CNTNAP2: variants seen among roughly 807,000 people sequenced by gnomAD.
The protein encoded by CNTNAP2 is contactin associated protein 2.
CNTNAP2 carries 98 observed loss-of-function variants against 155.2 expected under a neutral mutation model. The observed-to-expected ratio is 0.63, with a 90% CI of 0.54 to 0.75. The LOEUF (loss-of-function observed/expected upper bound fraction) is 0.75. Ranked by LOEUF, CNTNAP2 falls within the 30% of genes least tolerant of loss-of-function variation. The pLI is 0.00. For synonymous variants in CNTNAP2, 651 were observed against 631.2 expected (o/e 1.03, Z -0.47); for missense variants, 1,727 against 1,688.1 (o/e 1.02, Z -0.40).
Position 146,367,845 on chromosome 7 carries a change from T to C in CNTNAP2, c.97+250872T>C, listed in dbSNP as rs6464756. On this transcript the variant is annotated intron_variant, in intron 1 of 23. Transcript: ENST00000361727. ...AATATCAATATATGAGGAGATAAAA[T>C]GAATTTTCCACAAACTATGATTCTG... Among the ~76,000 whole-genome samples, 528 of 152,202 alleles carry C rather than the reference T, an allele frequency of 3.5e-3. 3 individuals carry two copies. The highest frequency in any genetic ancestry group is 0.011 in the African/African-American group (459 of 41,560).
At chr7:146,126,801 A>G (rs1483435781) in intron 1 of CNTNAP2, among the ~76,000 whole-genome samples, 1 of 152,168 alleles carries the variant, frequency 6.6e-6, no homozygotes, top group Non-Finnish European at 1.5e-5. Flanking sequence ...GGCAGTGGGA[A>G]AATATTTGTC....
intron 13 of CNTNAP2, among the ~76,000 whole-genome samples, chr7:147,677,837 A>G (rs1795892321): frequency 6.6e-6 from 1 of 151,456 alleles, no homozygotes; most frequent in Non-Finnish European, 1.5e-5. Context: ...AAGTGCATAA[A>G]TTTATTTCTG....
At chr7:147,915,642 A>C (rs530982627) in intron 14 of CNTNAP2, among the ~76,000 whole-genome samples, 2 of 151,202 alleles carry the variant, frequency 1.3e-5, no homozygotes, top group East Asian at 3.9e-4. Flanking sequence ...TGCCCTCCTG[A>C]TCTCATGAAG....
chr7:148,049,335 T>G (rs1032057648), intron 15 of CNTNAP2, among the ~76,000 whole-genome samples: 6 of 152,228 alleles, frequency 3.9e-5, no homozygotes, highest in African/African-American at 9.6e-5. Context: ...AAGGGAACAG[T>G]TATTATAAAC....
chr7:146,391,753 G>T (rs547120221), intron 1 of CNTNAP2, among the ~76,000 whole-genome samples: 2 of 105,254 alleles, frequency 1.9e-5, no homozygotes, highest in Non-Finnish European at 3.9e-5. Context: ...CACGGTTTTT[G>T]TTGTTGTTGT....
chr7:147,657,591 T>C lies in CNTNAP2; in HGVS notation c.2098+18285T>C, dbSNP rs1322635230. ...TAGAAACAAAGCAATTCCAGTAAGA[T>C]ATATAAAATATGTGCAGGCATGATT... On this transcript the variant is annotated intron_variant, in intron 13 of 23. Coordinates refer to ENST00000361727, the MANE Select transcript of CNTNAP2 (RefSeq NM_014141.6). Among the ~76,000 whole-genome samples, 8 of 152,216 alleles carry C rather than the reference T, an allele frequency of 5.3e-5. No individual in the cohort carries two copies. In the East Asian group the frequency reaches 1.5e-3, roughly 29 times the overall value.
chr7:147,251,940 T>C (rs544152028), intron 8 of CNTNAP2, among the ~76,000 whole-genome samples: 1 of 152,164 alleles, frequency 6.6e-6, no homozygotes, highest in East Asian at 1.9e-4. Context: ...TTTAATTCAA[T>C]GGATATATGA....
chr7:146,429,239 TA>T (rs1563080567), intron 1 of CNTNAP2, among the ~76,000 whole-genome samples: 3 of 147,624 alleles, frequency 2.0e-5, no homozygotes, highest in East Asian at 1.9e-4. Context: ...ATATGAATTT[TA>T]AAATATTTTT....
At chr7:147,347,655 C>T (rs1297226085) in intron 9 of CNTNAP2, among the ~76,000 whole-genome samples, 1 of 151,686 alleles carries the variant, frequency 6.6e-6, no homozygotes, top group East Asian at 1.9e-4. Flanking sequence ...ATAGGAATTA[C>T]ATTCTTCACA....
chr7:147,690,420 TCAGCATTACATCAATACATCATTAC>T (rs1284893600), intron 13 of CNTNAP2, among the ~76,000 whole-genome samples: 2 of 152,130 alleles, frequency 1.3e-5, no homozygotes, highest in Non-Finnish European at 2.9e-5. Context: ...GGCTCTTCAC[TCAGCATTACATCAATACATCATTAC>T]CGACCAATGA....
chr7:147,853,106 C>G (rs1041283593), intron 13 of CNTNAP2, among the ~76,000 whole-genome samples: 4 of 152,168 alleles, frequency 2.6e-5, no homozygotes, highest in African/African-American at 9.7e-5. Flanking sequence ...CCTTTTCTTT[C>G]TATTCATTGT....
chr7:147,977,840 T>C (rs763770590), intron 14 of CNTNAP2, 22 bp from the exon 15 acceptor site: 1 of 1,614,000 alleles, frequency 6.2e-7, no homozygotes, highest in Non-Finnish European at 8.5e-7. Context: ...TCATTCTTTT[T>C]CTGTCTTTCC....
chr7:147,332,400 C>T (rs35446462), intron 9 of CNTNAP2, among the ~76,000 whole-genome samples: 29,601 of 152,036 alleles, frequency 0.19, 3,144 homozygotes, highest in East Asian at 0.36. Context: ...AGGAAGGCTC[C>T]TTTCTGCTTT....
intron 1 of CNTNAP2, among the ~76,000 whole-genome samples, chr7:146,521,952 A>G (rs1163781336): frequency 6.6e-6 from 1 of 151,940 alleles, no homozygotes; most frequent in Admixed American, 6.6e-5. Flanking sequence ...TGTAAAACAC[A>G]CAAATGATGA....
chr7:146,406,636 A>G (rs773157149), intron 1 of CNTNAP2, among the ~76,000 whole-genome samples: 2 of 152,176 alleles, frequency 1.3e-5, no homozygotes, highest in Admixed American at 6.5e-5. Context: ...GTGGAGGAGA[A>G]CAGCCAGGAG....
chr7:147,306,340 T>C (rs1795026037), intron 9 of CNTNAP2, among the ~76,000 whole-genome samples: 1 of 152,162 alleles, frequency 6.6e-6, no homozygotes, highest in African/African-American at 2.4e-5. Context: ...GTTAGAGGCA[T>C]TCAAACAAAC....
At chr7:147,356,124 G>T (rs187816487) in intron 9 of CNTNAP2, among the ~76,000 whole-genome samples, 1 of 152,180 alleles carries the variant, frequency 6.6e-6, no homozygotes, top group East Asian at 1.9e-4. Flanking sequence ...TGCAAGGTTG[G>T]TTCAACATAT....
intron 2 of CNTNAP2, among the ~76,000 whole-genome samples, chr7:146,818,618 C>A (rs1803219847): frequency 6.6e-6 from 1 of 152,130 alleles, no homozygotes; most frequent in East Asian, 1.9e-4. Context: ...GTGGCCTGGG[C>A]AAGTCACCTA....
chr7:147,903,434 T>C (rs1250415555), intron 13 of CNTNAP2, 131 bp from the exon 14 acceptor site: 2 of 986,022 alleles, frequency 2.0e-6, no homozygotes, highest in African/African-American at 3.2e-5. Flanking sequence ...CTGTTTGAAA[T>C]AAATTGACTT....
Sources: gnomAD v4.1 joint callset for allele counts (sites outside exome capture counted in the v4.1 genomes callset) on GRCh38, gnomAD v4.1.1 for gene constraint, MANE v1.5 for transcripts, NCBI Gene and HGNC (gene_info 2026-07-23, HGNC 2026-07-21) for gene names.